Variants in ROBO2 observed in about 807,000 individuals in gnomAD.
ROBO2 encodes the protein roundabout homolog 2.
In ROBO2, 53 loss-of-function variants were observed where a neutral mutation model predicts 160.8. The observed-to-expected ratio is 0.33, with a 90% CI of 0.26 to 0.41. The LOEUF (loss-of-function observed/expected upper bound fraction) is 0.41. Among genes scored for constraint, ROBO2 ranks in the 10% least tolerant of loss-of-function variants. The probability of loss-of-function intolerance (pLI) is 1.00; values close to 1 mark genes in which losing one functional copy is unlikely to be tolerated. For missense variants in ROBO2, 1,577 were observed against 1,722.4 expected (o/e 0.92, Z 1.49); for synonymous variants, 664 against 611.7 (o/e 1.09, Z -1.26).
intron 2 of ROBO2, among the ~76,000 whole-genome samples, chr3:76,175,578 T>G (rs2073200510): frequency 6.6e-6 from 1 of 152,006 alleles, no homozygotes; most frequent in South Asian, 2.1e-4. Context: ...ATGGTCAAAA[T>G]TTTTTTCTAC....
chr3:76,759,859 C>T (rs2061201327), intron 2 of ROBO2, among the ~76,000 whole-genome samples: 1 of 151,724 alleles, frequency 6.6e-6, no homozygotes, highest in South Asian at 2.1e-4. Flanking sequence ...AGGTGCTTTT[C>T]ACAGCAGCGG....
chr3:76,709,013 A>G (rs1267080719), intron 2 of ROBO2, among the ~76,000 whole-genome samples: 1 of 152,320 alleles, frequency 6.6e-6, no homozygotes, highest in East Asian at 1.9e-4. Flanking sequence ...CCATTTACTC[A>G]AAAGGTCAAT....
At chr3:76,438,563 A>G (rs968997643) in intron 2 of ROBO2, among the ~76,000 whole-genome samples, 1 of 152,074 alleles carries the variant, frequency 6.6e-6, no homozygotes, top group African/African-American at 2.4e-5. Context: ...TAAACAAATC[A>G]AAATATGATT....
At chr3:76,071,522 T>A (rs1407007755) in intron 2 of ROBO2, among the ~76,000 whole-genome samples, 1 of 152,200 alleles carries the variant, frequency 6.6e-6, no homozygotes, top group Non-Finnish European at 1.5e-5. Context: ...ACCCGGTTTA[T>A]GTGCTTTGCA....
At chr3:76,113,959 C>G (rs1385555685) in intron 2 of ROBO2, among the ~76,000 whole-genome samples, 1 of 152,182 alleles carries the variant, frequency 6.6e-6, no homozygotes, top group Non-Finnish European at 1.5e-5. Flanking sequence ...TGTGACACAC[C>G]TGCTCCCCCT....
chr3:76,950,955 C>T (rs997889975), intron 2 of ROBO2, among the ~76,000 whole-genome samples: 2 of 152,008 alleles, frequency 1.3e-5, no homozygotes, highest in Non-Finnish European at 2.9e-5. Context: ...CTGGAACTCC[C>T]AGGGTCAAGC....
chr3:77,296,245 A>C (rs1438099997), intron 2 of ROBO2, among the ~76,000 whole-genome samples: 1 of 151,930 alleles, frequency 6.6e-6, no homozygotes, highest in Non-Finnish European at 1.5e-5. Context: ...TAAAGACATA[A>C]AGTAGAATTG....
At chr3:77,016,765 T>C (rs1353877501) in intron 2 of ROBO2, among the ~76,000 whole-genome samples, 3 of 152,202 alleles carry the variant, frequency 2.0e-5, no homozygotes, top group Non-Finnish European at 4.4e-5. Flanking sequence ...TCTGGAAGTA[T>C]ACGTCACTAA....
intron 2 of ROBO2, among the ~76,000 whole-genome samples, chr3:77,456,931 C>T (rs2081709502): frequency 1.3e-5 from 2 of 152,150 alleles, no homozygotes; most frequent in African/African-American, 2.4e-5. Context: ...ACCAATTTCC[C>T]TCTCTCCCCA....
intron 1 of ROBO2, among the ~76,000 whole-genome samples, chr3:75,932,572 A>G (rs1345420756): frequency 3.3e-5 from 5 of 152,222 alleles, no homozygotes; most frequent in African/African-American, 1.2e-4. Context: ...TGTGTTATTC[A>G]GAAGCAGAAC....
At chr3:76,141,060 C>CATTATATATATATATATATATATATAT (rs1553656031) in intron 2 of ROBO2, among the ~76,000 whole-genome samples, 63 of 53,580 alleles carry the variant, frequency 1.2e-3, no homozygotes, top group African/African-American at 4.3e-3. Flanking sequence ...TTTTTACATA[C>CATTATATATATATATATATATATATAT]ATATATATAT....
intron 2 of ROBO2, among the ~76,000 whole-genome samples, chr3:76,733,443 A>G (rs1330670493): frequency 6.6e-6 from 1 of 152,222 alleles, no homozygotes; most frequent in Non-Finnish European, 1.5e-5. Flanking sequence ...TAAAAGATCA[A>G]TTCATTTATT....
chr3:77,274,839 C>T (rs1364119720), intron 2 of ROBO2, among the ~76,000 whole-genome samples: 1 of 151,974 alleles, frequency 6.6e-6, no homozygotes, highest in Non-Finnish European at 1.5e-5. Context: ...GTAACATAGT[C>T]CATGAACACC....
chr3:77,153,999 G>A (rs2077755121), intron 2 of ROBO2, among the ~76,000 whole-genome samples: 1 of 151,814 alleles, frequency 6.6e-6, no homozygotes, highest in Non-Finnish European at 1.5e-5. Context: ...ATTTAGTTCT[G>A]GCTCTGCCAA....
Position 76,840,376 on chromosome 3 carries a change from G to A in ROBO2, c.110-257638G>A, listed in dbSNP as rs1340651011. ...TGTAATCCCAGCACTTTGGGAGGCC[G>A]AGGCAGGCGGATCACGAGGTCAGGA... On this transcript the variant is annotated intron_variant, in intron 2 of 26. Coordinates refer to the ROBO2 transcript ENST00000487694. Among the ~76,000 whole-genome samples, 14 of 151,622 alleles carry A rather than the reference G, an allele frequency of 9.2e-5. No homozygotes were observed. In the East Asian group the frequency reaches 1.8e-3, roughly 19 times the overall value.
intron 5 of ROBO2, among the ~76,000 whole-genome samples, chr3:77,512,754 C>A (rs191911536): frequency 1.0e-3 from 157 of 151,974 alleles, no homozygotes; most frequent in Non-Finnish European, 2.0e-3. Context: ...TATAGGTTGA[C>A]CTTCGGCTAT....
Position 77,115,606 on chromosome 3 carries a change from G to A in ROBO2, c.388+17266G>A, listed in dbSNP as rs370901096. 2.0e-4 allele frequency among the ~76,000 whole-genome samples: 31 copies of A among 152,072 alleles called. No homozygotes were observed. In the South Asian group the frequency reaches 5.8e-3, roughly 29 times the overall value. On this transcript the variant is annotated intron_variant, in intron 2 of 25. Coordinates refer to ENST00000461745, the Ensembl canonical transcript of ROBO2. The stretch of plus-strand genomic sequence containing the variant: ...CACATTTTACATAGTAAAAATAAGC[G>A]GAATCATCATTACTCCGTGAACTAA...
chr3:76,512,857 G>C (rs2081169453), intron 2 of ROBO2, among the ~76,000 whole-genome samples: 1 of 152,014 alleles, frequency 6.6e-6, no homozygotes, highest in Non-Finnish European at 1.5e-5. Flanking sequence ...AAACCCGTTT[G>C]GTCCCAAGTA....
At chr3:76,776,928 T>TA (rs1250876040) in intron 2 of ROBO2, among the ~76,000 whole-genome samples, 3 of 151,014 alleles carry the variant, frequency 2.0e-5, no homozygotes, top group Non-Finnish European at 3.0e-5. Flanking sequence ...ATCTTGTTGA[T>TA]ATATTATGAG....
Sources: allele counts gnomAD v4.1 joint callset (sites outside exome capture counted in the v4.1 genomes callset), GRCh38; gene constraint gnomAD v4.1.1; transcripts MANE v1.5; gene names NCBI Gene and HGNC (gene_info 2026-07-23, HGNC 2026-07-21).